Variants in TRAP1 observed in about 807,000 individuals in gnomAD.
TRAP1 encodes the protein TNF receptor associated protein 1.
In TRAP1, 102 loss-of-function variants were observed where a neutral mutation model predicts 89.1. That is an observed-to-expected ratio of 1.15 (90% CI 0.98 to 1.35). The LOEUF is 1.35. Ranked by LOEUF, TRAP1 falls within the 40% of genes most tolerant of loss-of-function variation. TRAP1 has a pLI of 0.00. For synonymous variants in TRAP1, 508 were observed against 388.0 expected (o/e 1.31, Z -3.64); for missense variants, 1,256 against 945.3 (o/e 1.33, Z -4.31).
chr16:3,694,038 G>A (rs1376548043), intron 1 of TRAP1, among the ~76,000 whole-genome samples: 21 of 150,910 alleles, frequency 1.4e-4, no homozygotes, highest in Non-Finnish European at 1.0e-4. Context: ...TCTGGGCAGC[G>A]GTGCTTCCCA....
chr16:3,676,903 A>C (rs1188787493), intron 6 of TRAP1: 1 of 152,582 alleles, frequency 6.6e-6, no homozygotes, highest in Non-Finnish European at 1.5e-5. Flanking sequence ...AAAAATACAA[A>C]ATTAGCTGGG....
At chr16:3,702,943 G>A (rs968994236) in intron 1 of TRAP1, among the ~76,000 whole-genome samples, 2 of 150,154 alleles carry the variant, frequency 1.3e-5, no homozygotes, top group South Asian at 2.1e-4. Context: ...TTGGGAGGCC[G>A]AGGTAGGAGA....
At chr16:3,706,994 T>G (rs944643853) in intron 1 of TRAP1, among the ~76,000 whole-genome samples, 1 of 152,036 alleles carries the variant, frequency 6.6e-6, no homozygotes, top group Non-Finnish European at 1.5e-5. Context: ...ACCAGCAGTG[T>G]GGGAGGGTTC....
At chr16:3,666,550 T>C (rs747799969) in intron 11 of TRAP1, among the ~76,000 whole-genome samples, 35 of 119,548 alleles carry the variant, frequency 2.9e-4, no homozygotes, top group Non-Finnish European at 4.7e-4. Flanking sequence ...TATGTAATGC[T>C]AAATGGCCAT....
At chr16:3,690,722 TA>T in intron 2 of TRAP1, 104 bp downstream of exon 2, 2 of 1,198,666 alleles carry the variant, frequency 1.7e-6, no homozygotes, top group Non-Finnish European at 2.2e-6. Flanking sequence ...ATTTCACACC[TA>T]AGGCGGTGGC....
chr16:3,664,652 C>A, intron 12 of TRAP1, 193 bp from the exon 13 acceptor site: 1 of 597,860 alleles, frequency 1.7e-6, no homozygotes, highest in Non-Finnish European at 2.8e-6. Context: ...CTTTTGGGAG[C>A]TCTGGGGGCT....
rs1174201055 is a variant in TRAP1 at position 3,676,100 on chromosome 16, C to G, written c.750G>C (p.Gly250=). The G allele has an allele frequency of 6.2e-7, 1 of 1,613,778 alleles. No homozygotes were observed. The highest frequency in any genetic ancestry group is 1.3e-5 in the African/African-American group (1 of 74,910). Residue 250 remains glycine (G), a synonymous_variant, in exon 7 of 18, where the codon GGG becomes GGC. Transcript: ENST00000246957. ...EIAEASGVRT[G]TKIIIHLKSD... ...ATTTCAGGTGGATGATGATTTTTGT[C>G]CCGGTTCTAACTCCCGAAGCTTCGG...
rs1378792371 is a variant in TRAP1, at chr16:3,675,629, A to AGACT, written c.815-236_815-233dup. ...AGCTGTGGAGGCCCCGGCTGCTGCG[A>AGACT]GACTGCAATGTCAGCTTGTGGCTGG... is the stretch of plus-strand genomic sequence containing the variant. On this transcript the variant is annotated intron_variant, in intron 7 of 17. Transcript: ENST00000246957. Among the ~76,000 whole-genome samples, 7 of 152,198 alleles carry AGACT rather than the reference A, an allele frequency of 4.6e-5. 1 individual carries two copies. The highest frequency in any genetic ancestry group is 9.7e-5 in the African/African-American group (4 of 41,450).
intron 1 of TRAP1, among the ~76,000 whole-genome samples, chr16:3,714,898 G>A (rs2051577379): frequency 6.6e-6 from 1 of 152,178 alleles, no homozygotes; most frequent in South Asian, 2.1e-4. Flanking sequence ...TACATAGGTG[G>A]ATCTGCCTAA....
At position 3,671,800 on chromosome 16, in the gene TRAP1, C is replaced by CA. The variant is rs1156249080; in HGVS notation, c.1166-10dup. 2 of 1,611,246 alleles carry CA rather than the reference C, an allele frequency of 1.2e-6. No individual in the cohort carries two copies. Among genetic ancestry groups the CA allele is most frequent in the African/African-American group, 1.4e-5 (1 of 74,004 alleles). ...CTCACTGTCCACCACACCTGGGAGA[C>CA]ACGGCAGTCAGCTTCTCCCGGGGCT... On this transcript the variant is annotated splice_polypyrimidine_tract_variant and intron_variant, in intron 10 of 17. Coordinates refer to ENST00000246957, the MANE Select transcript of TRAP1 (RefSeq NM_016292.3).
In TRAP1 at chr16:3,668,834, C is replaced by T. The variant is rs1029022254; in HGVS notation, c.1236-2716G>A. Among the ~76,000 whole-genome samples the T allele has an allele frequency of 5.3e-5, 8 of 152,158 alleles. No homozygotes were observed. In the South Asian group the frequency reaches 6.2e-4, roughly 12 times the overall value. On this transcript the variant is annotated intron_variant, in intron 11 of 17. Transcript: ENST00000246957. Reference sequence around the variant, plus strand: ...ACGGCTCCCCTCACAGGATGAAACACGTGTTTATGCAGGCTCAGCACAGTT... The same window carrying T: ...ACGGCTCCCCTCACAGGATGAAACATGTGTTTATGCAGGCTCAGCACAGTT...
chr16:3,702,295 G>T (rs2051376729), intron 1 of TRAP1, among the ~76,000 whole-genome samples: 1 of 151,684 alleles, frequency 6.6e-6, no homozygotes, highest in African/African-American at 2.4e-5. Context: ...CACAGAGGGA[G>T]GGGGCCTGAG....
intron 15 of TRAP1, 68 bp downstream of exon 15, chr16:3,662,814 G>T: frequency 6.7e-7 from 1 of 1,502,178 alleles, no homozygotes; most frequent in Non-Finnish European, 9.2e-7. Flanking sequence ...GGTACTGGGA[G>T]CCACCAGCTG....
intron 4 of TRAP1, 21 bp downstream of exon 4, chr16:3,685,972 ACGC>A: frequency 6.2e-7 from 1 of 1,607,628 alleles, no homozygotes; most frequent in Non-Finnish European, 8.5e-7. Flanking sequence ...GGCCTGCCAC[ACGC>A]CTGGACACTG....
chr16:3,676,075 A>G lies in TRAP1; in HGVS notation c.775T>C (p.Ser259Pro), dbSNP rs1339878786. The G allele has an allele frequency of 1.2e-6, 2 of 1,613,772 alleles. No homozygotes were observed. The highest frequency in any genetic ancestry group is 2.2e-5 in the East Asian group (1 of 44,852). ...TGTKIIIHLK[S>P]DCKEFSSEAR... ...TCGCTGGAAAACTCCTTGCAGTCGGATTTCAGGTGGATGATGATTTTTGTC... is the reference window on the plus strand; with the variant it reads ...TCGCTGGAAAACTCCTTGCAGTCGGGTTTCAGGTGGATGATGATTTTTGTC... Residue 259 changes from serine to proline, a missense_variant, in exon 7 of 18, where the codon TCC becomes CCC. Physicochemically the swap from Ser to Pro is moderately conservative, Grantham distance 74. Transcript: ENST00000246957.
At chr16:3,692,989 G>C (rs188666198) in intron 1 of TRAP1, among the ~76,000 whole-genome samples, 2 of 150,204 alleles carry the variant, frequency 1.3e-5, no homozygotes, top group African/African-American at 4.9e-5. Context: ...ATGGAGTCTC[G>C]CTCTGTCGCC....
chr16:3,699,803 G>C (rs998865773), intron 1 of TRAP1, among the ~76,000 whole-genome samples: 2 of 151,728 alleles, frequency 1.3e-5, no homozygotes, highest in African/African-American at 4.8e-5. Context: ...GAACAGCTGG[G>C]ACTGCAGGTA....
chr16:3,699,758 C>T (rs994774390), intron 1 of TRAP1, among the ~76,000 whole-genome samples: 1 of 151,956 alleles, frequency 6.6e-6, no homozygotes, highest in South Asian at 2.1e-4. Flanking sequence ...GTCTTGAACT[C>T]CTGGGCTCAA....
chr16:3,666,037 C>G lies in TRAP1; in HGVS notation c.1317G>C (p.Lys439Asn), dbSNP rs945070329. 6.2e-7 allele frequency: 1 copy of G among 1,614,220 alleles called. No homozygotes were observed. Among genetic ancestry groups the G allele is most frequent in the East Asian group, 2.2e-5 (1 of 44,890 alleles). The change falls in exon 12 of 18, where the codon AAG becomes AAC. Residue 439 changes from lysine to asparagine, a missense_variant. Transcript: ENST00000246957. ...QSKKDAEKYA[K>N]FFEDYGLFMR... ...TGAACAGGCCGTAATCTTCAAAAAACTTTGCATACTTCTCAGCATCTTTTT... is the reference window on the plus strand; with the variant it reads ...TGAACAGGCCGTAATCTTCAAAAAAGTTTGCATACTTCTCAGCATCTTTTT...
Sources: allele counts gnomAD v4.1 joint callset (sites outside exome capture counted in the v4.1 genomes callset), GRCh38; gene constraint gnomAD v4.1.1; transcripts MANE v1.5; gene names NCBI Gene and HGNC (gene_info 2026-07-23, HGNC 2026-07-21).